The following SSH2 variants were observed in gnomAD, a reference collection of about 807,000 sequenced individuals.
SSH2 encodes protein phosphatase Slingshot homolog 2.
In SSH2, 37 loss-of-function variants were observed where a neutral mutation model predicts 135.2. The ratio of observed to expected loss-of-function variants is 0.27; its 90% CI spans 0.21 to 0.36. The LOEUF is 0.36. Among genes scored for constraint, SSH2 ranks in the 10% least tolerant of loss-of-function variants. SSH2 has a pLI of 1.00. For synonymous variants in SSH2, 628 were observed against 646.2 expected (o/e 0.97, Z 0.43); for missense variants, 1,408 against 1,765.3 (o/e 0.80, Z 3.63).
intron 6 of SSH2, 63 bp downstream of exon 6, chr17:29,684,500 A>G: frequency 6.7e-7 from 1 of 1,485,066 alleles, no homozygotes; most frequent in Non-Finnish European, 9.0e-7. Context: ...AAAAAAAAAA[A>G]AAAGCAACTG....
intron 1 of SSH2, among the ~76,000 whole-genome samples, chr17:29,880,682 C>T (rs2066120788): frequency 6.6e-6 from 1 of 152,130 alleles, no homozygotes; most frequent in Non-Finnish European, 1.5e-5. Flanking sequence ...ACTGTGCTGC[C>T]TTCTCTAATA....
chr17:29,705,586 A>G, intron 3 of SSH2, among the ~76,000 whole-genome samples: 1 of 151,884 alleles, frequency 6.6e-6, no homozygotes. Context: ...CCTGCTTAAA[A>G]CCCTCCAAAT....
intron 2 of SSH2, among the ~76,000 whole-genome samples, chr17:29,805,567 G>A (rs1013969990): frequency 1.8e-4 from 27 of 152,246 alleles, no homozygotes; most frequent in Admixed American, 1.8e-3. Flanking sequence ...TGTGAGACAC[G>A]TCGGTAGCCA....
intron 3 of SSH2, chr17:29,761,228 G>A: frequency 3.9e-6 from 5 of 1,271,816 alleles, no homozygotes; most frequent in Non-Finnish European, 5.1e-6. Context: ...GAGGCTGCAG[G>A]TGCAAGCGAG....
chr17:29,767,629 G>GCACATGCACACACACGCA (rs2041478350), intron 3 of SSH2, among the ~76,000 whole-genome samples: 1 of 147,510 alleles, frequency 6.8e-6, no homozygotes, highest in African/African-American at 2.5e-5. Flanking sequence ...GCACACACAC[G>GCACATGCACACACACGCA]CACACACACA....
chr17:29,840,909 G>C (rs898875710), intron 2 of SSH2, among the ~76,000 whole-genome samples: 1 of 152,184 alleles, frequency 6.6e-6, no homozygotes, highest in African/African-American at 2.4e-5. Flanking sequence ...TGGTGAAGCT[G>C]GGCTCTGACC....
chr17:29,772,818 C>T (rs1476760785), intron 3 of SSH2, among the ~76,000 whole-genome samples: 1 of 152,142 alleles, frequency 6.6e-6, no homozygotes, highest in Non-Finnish European at 1.5e-5. Flanking sequence ...GGACTTGGGA[C>T]TCCAGGATTT....
chr17:29,754,408 G>A (rs1441593090), intron 3 of SSH2, among the ~76,000 whole-genome samples: 1 of 152,128 alleles, frequency 6.6e-6, no homozygotes, highest in African/African-American at 2.4e-5. Flanking sequence ...TCTACCTTTT[G>A]ATTTCATGAA....
intron 4 of SSH2, among the ~76,000 whole-genome samples, chr17:29,696,809 C>A (rs893136991): frequency 2.0e-5 from 3 of 149,588 alleles, no homozygotes; most frequent in Non-Finnish European, 4.5e-5. Context: ...CTCAGCCTCC[C>A]GAGTAGCTGG....
In SSH2 at chr17:29,636,334, G is replaced by C. The variant is rs2035912975; in HGVS notation, c.1896C>G (p.Asp632Glu). 6.2e-7 allele frequency: 1 copy of C among 1,614,062 alleles called. No individual in the cohort carries two copies. Among genetic ancestry groups the C allele is most frequent in the Admixed American group, 1.7e-5 (1 of 60,006 alleles). ...EDLETDALKA[D>E]MNVHLLPMEE... ...CCATAGGCAGTAGGTGGACATTCAT[G>C]TCTGCTTTCAGTGCATCTGTCTCCA... Residue 632 changes from aspartate (D) to glutamate (E), a missense_variant, in exon 15 of 16, where the codon GAC becomes GAG. Physicochemically the swap from Asp to Glu is conservative, Grantham distance 45 (BLOSUM62 2). Transcript: ENST00000540801.
rs750474132 is a variant in SSH2 at position 29,666,956 on chromosome 17, G to A, written c.943C>T (p.Arg315Trp). 9 of 1,613,762 alleles carry A rather than the reference G, an allele frequency of 5.6e-6. No homozygotes were observed. Among genetic ancestry groups the A allele is most frequent in the African/African-American group, 1.3e-5 (1 of 74,858 alleles). The change falls in exon 11 of 16, where the codon CGG (arginine) becomes TGG (tryptophan). Residue 315 changes from arginine (R) to tryptophan (W), a missense_variant. Physicochemically the swap from Arg to Trp is moderately radical, Grantham distance 101. Transcript: ENST00000540801. Reference protein sequence around the residue: ...ELEMQMVCNLREFKEFIDNEM... With the variant: ...ELEMQMVCNLWEFKEFIDNEM... ...TTGTCTATAAATTCCTTGAATTCCC[G>A]CAAGTTGCACACCATTTGCATTTCC... is the stretch of plus-strand genomic sequence containing the variant.
chr17:29,643,309 C>T (rs956000325), intron 14 of SSH2: 1 of 984,834 alleles, frequency 1.0e-6, no homozygotes, highest in Admixed American at 6.1e-5. Context: ...ATCCAACAGC[C>T]ATTTTTCTTA....
At chr17:29,795,562 C>A (rs949479175) in intron 2 of SSH2, among the ~76,000 whole-genome samples, 1 of 152,018 alleles carries the variant, frequency 6.6e-6, no homozygotes, top group Non-Finnish European at 1.5e-5. Flanking sequence ...TAATCAGAAC[C>A]TGGAAAGTTT....
rs1040244105 is a variant in SSH2 at position 29,743,664 on chromosome 17, T to G, written c.189-40602A>C. 2.0e-4 allele frequency among the ~76,000 whole-genome samples: 30 copies of G among 152,196 alleles called. 1 individual carries two copies. Among genetic ancestry groups the G allele is most frequent in the Non-Finnish European group, 1.5e-5 (1 of 68,038 alleles). On this transcript the variant is annotated intron_variant, in intron 3 of 15. Transcript: ENST00000540801. Reference sequence around the variant, plus strand: ...GTTCTTAACAAATGTACTCAAGCACTTCCAAGGGGAAACAATAAAAAAAGT... The same window carrying G: ...GTTCTTAACAAATGTACTCAAGCACGTCCAAGGGGAAACAATAAAAAAAGT...
chr17:29,667,453 C>T (rs1394413058), intron 9 of SSH2, among the ~76,000 whole-genome samples: 2 of 152,194 alleles, frequency 1.3e-5, no homozygotes, highest in Non-Finnish European at 2.9e-5. Context: ...AGCATTACTG[C>T]CTGAACTCCG....
intron 3 of SSH2, among the ~76,000 whole-genome samples, chr17:29,712,552 T>G (rs755247192): frequency 2.6e-5 from 4 of 152,020 alleles, no homozygotes. Context: ...GCCTGTAATC[T>G]CAGTACTTTG....
At chr17:29,880,287 A>AT (rs1289140244) in intron 1 of SSH2, among the ~76,000 whole-genome samples, 1 of 152,022 alleles carries the variant, frequency 6.6e-6, no homozygotes, top group Admixed American at 6.5e-5. Flanking sequence ...TGACCAGCTA[A>AT]TTTTTTCTAT....
At chr17:29,720,541 TG>T (rs2039788303) in intron 3 of SSH2, among the ~76,000 whole-genome samples, 1 of 152,210 alleles carries the variant, frequency 6.6e-6, no homozygotes, top group Non-Finnish European at 1.5e-5. Context: ...ATCTACTGCC[TG>T]GTTTTCTCTA....
At chr17:29,688,715 C>CT (rs1354880707) in intron 5 of SSH2, among the ~76,000 whole-genome samples, 1 of 152,098 alleles carries the variant, frequency 6.6e-6, no homozygotes, top group Non-Finnish European at 1.5e-5. Context: ...AAGAATAGCA[C>CT]TTAAGAGTTC....
Sources: gnomAD v4.1 joint callset for allele counts (sites outside exome capture counted in the v4.1 genomes callset) on GRCh38, gnomAD v4.1.1 for gene constraint, MANE v1.5 for transcripts, NCBI Gene and HGNC (gene_info 2026-07-23, HGNC 2026-07-21) for gene names.